The following HS6ST3 variants were observed in gnomAD, a reference collection of about 807,000 sequenced individuals.
HS6ST3 encodes the protein heparan sulfate 6-O-sulfotransferase 3, also known as heparan-sulfate 6-O-sulfotransferase 3.
Under a neutral mutation model 36.7 loss-of-function variants are expected in HS6ST3, and 12 were observed. That is an observed-to-expected ratio of 0.33 (90% CI 0.21 to 0.53). HS6ST3 has a LOEUF of 0.53. HS6ST3 is among the 20% of genes least tolerant of loss of function. The pLI is 0.95. For synonymous variants in HS6ST3, 240 were observed against 257.5 expected (o/e 0.93, Z 0.65); for missense variants, 584 against 640.9 (o/e 0.91, Z 0.96).
intron 1 of HS6ST3, among the ~76,000 whole-genome samples, chr13:96,443,256 T>C (rs1594781488): frequency 2.0e-5 from 3 of 151,696 alleles, no homozygotes; most frequent in Admixed American, 6.6e-5. Flanking sequence ...CTAGGCCGGG[T>C]GCGGTGGCTC....
At position 96,504,554 on chromosome 13, in the gene HS6ST3, A is replaced by G. The variant is rs574418343; in HGVS notation, c.708-327936A>G. On this transcript the variant is annotated intron_variant, in intron 1 of 1. Coordinates refer to ENST00000376705, the MANE Select transcript of HS6ST3 (RefSeq NM_153456.4). ...AATAGGCAGGCACAAAAAGAAAATAATAAAAAATAAAATAAAAGTAAAAGA... is the reference window on the plus strand; with the variant it reads ...AATAGGCAGGCACAAAAAGAAAATAGTAAAAAATAAAATAAAAGTAAAAGA... Among the ~76,000 whole-genome samples the G allele has an allele frequency of 2.6e-5, 4 of 152,246 alleles. 1 individual carries two copies. In the South Asian group the frequency reaches 6.2e-4, roughly 24 times the overall value.
intron 1 of HS6ST3, among the ~76,000 whole-genome samples, chr13:96,350,538 G>A (rs1199466417): frequency 6.6e-6 from 1 of 152,234 alleles, no homozygotes; most frequent in Non-Finnish European, 1.5e-5. Context: ...TCTATAAAAT[G>A]TGGGGGTCTC....
At chr13:96,094,049 A>G (rs1385214349) in intron 1 of HS6ST3, among the ~76,000 whole-genome samples, 1 of 152,142 alleles carries the variant, frequency 6.6e-6, no homozygotes, top group Non-Finnish European at 1.5e-5. Context: ...TCACTCAGAG[A>G]TCAATGCCCT....
At chr13:96,772,676 TA>T (rs1877291974) in intron 1 of HS6ST3, among the ~76,000 whole-genome samples, 1 of 152,212 alleles carries the variant, frequency 6.6e-6, no homozygotes, top group African/African-American at 2.4e-5. Context: ...ACCGAAGTTA[TA>T]TAAGTACATC....
chr13:96,557,909 T>C (rs974122029), intron 1 of HS6ST3, among the ~76,000 whole-genome samples: 1 of 152,132 alleles, frequency 6.6e-6, no homozygotes, highest in Non-Finnish European at 1.5e-5. Context: ...AACCTCTCTG[T>C]CCCTCAATTT....
chr13:96,092,617 T>A (rs2053770279), intron 1 of HS6ST3, among the ~76,000 whole-genome samples: 2 of 152,196 alleles, frequency 1.3e-5, no homozygotes, highest in South Asian at 4.1e-4. Flanking sequence ...AACAATTTGG[T>A]ATGAGGAAAT....
Position 96,350,718 on chromosome 13 carries a change from G to A in HS6ST3, c.707+259149G>A, listed in dbSNP as rs956703616. On this transcript the variant is annotated intron_variant, in intron 1 of 1. Coordinates refer to ENST00000376705, the MANE Select transcript of HS6ST3 (RefSeq NM_153456.4). ...CTTTCCTCCACATGGATATAATAAC[G>A]AAATTGAAAATCCTTGGAGGGTGTT... 1.2e-4 allele frequency among the ~76,000 whole-genome samples: 18 copies of A among 152,254 alleles called. No homozygotes were observed. In the East Asian group the frequency reaches 3.1e-3, roughly 26 times the overall value.
At chr13:96,441,885 T>C (rs1489689514) in intron 1 of HS6ST3, among the ~76,000 whole-genome samples, 2 of 152,092 alleles carry the variant, frequency 1.3e-5, no homozygotes, top group Admixed American at 1.3e-4. Flanking sequence ...AATGTTCAAC[T>C]GGTAGGAATT....
Position 96,765,608 on chromosome 13 carries a change from CTCTCTCT to C in HS6ST3, c.708-66881_708-66875del, listed in dbSNP as rs1566448229. ...TCTCTTTCTCTCTCTCTCTCTCTCT[CTCTCTCT>C]CTCTCTCTCTCTCTGTTTCTGTCTC... On this transcript the variant is annotated intron_variant, in intron 1 of 1. Transcript: ENST00000376705. Among the ~76,000 whole-genome samples the C allele has an allele frequency of 2.6e-5, 4 of 151,840 alleles. No individual in the cohort carries two copies. In the East Asian group the frequency reaches 7.7e-4, roughly 29 times the overall value.
At chr13:96,647,171 T>C (rs1023489509) in intron 1 of HS6ST3, among the ~76,000 whole-genome samples, 1 of 152,004 alleles carries the variant, frequency 6.6e-6, no homozygotes, top group Admixed American at 6.6e-5. Flanking sequence ...GTATTAATAC[T>C]TTTCAAATGA....
chr13:96,323,532 C>T (rs534896774), intron 1 of HS6ST3, among the ~76,000 whole-genome samples: 2 of 152,308 alleles, frequency 1.3e-5, no homozygotes, highest in Admixed American at 6.5e-5. Flanking sequence ...CCTCATAGTT[C>T]ATGGCACTCC....
chr13:96,116,770 G>C (rs1176771411), intron 1 of HS6ST3, among the ~76,000 whole-genome samples: 1 of 152,202 alleles, frequency 6.6e-6, no homozygotes, highest in Non-Finnish European at 1.5e-5. Flanking sequence ...AGGAGGACTA[G>C]AGAGAGAGGT....
At chr13:96,303,469 T>G (rs991457454) in intron 1 of HS6ST3, among the ~76,000 whole-genome samples, 1 of 152,194 alleles carries the variant, frequency 6.6e-6, no homozygotes, top group Non-Finnish European at 1.5e-5. Flanking sequence ...CAACTGAAAG[T>G]GAAATGTTAC....
chr13:96,641,330 G>A (rs192601153), intron 1 of HS6ST3, among the ~76,000 whole-genome samples: 1 of 151,870 alleles, frequency 6.6e-6, no homozygotes, highest in East Asian at 1.9e-4. Flanking sequence ...CTGTATTGCT[G>A]TATAGAAATG....
chr13:96,355,353 A>G (rs141337787), intron 1 of HS6ST3, among the ~76,000 whole-genome samples: 2 of 144,012 alleles, frequency 1.4e-5, no homozygotes, highest in African/African-American at 5.2e-5. Flanking sequence ...GCATGAGTCT[A>G]TAGTTACACA....
intron 1 of HS6ST3, among the ~76,000 whole-genome samples, chr13:96,392,376 G>A (rs1397046284): frequency 1.3e-5 from 2 of 152,214 alleles, no homozygotes; most frequent in African/African-American, 2.4e-5. Flanking sequence ...TGAGTAGGGA[G>A]AGGATGAGGC....
intron 1 of HS6ST3, chr13:96,574,392 C>A: frequency 2.0e-6 from 1 of 496,890 alleles, no homozygotes; most frequent in Non-Finnish European, 3.7e-6. Flanking sequence ...GTCAAACTCA[C>A]CAGTTACTAA....
intron 1 of HS6ST3, among the ~76,000 whole-genome samples, chr13:96,699,547 A>C (rs1297439035): frequency 2.5e-4 from 38 of 152,362 alleles, no homozygotes; most frequent in South Asian, 6.2e-4. Context: ...CCACAATGAG[A>C]TACCATCTCA....
chr13:96,208,293 T>C (rs1434131786), intron 1 of HS6ST3, among the ~76,000 whole-genome samples: 1 of 152,182 alleles, frequency 6.6e-6, no homozygotes, highest in East Asian at 1.9e-4. Flanking sequence ...ACAAAGGATA[T>C]GTTATATGTA....
Sources: gnomAD v4.1 joint callset for allele counts (sites outside exome capture counted in the v4.1 genomes callset) on GRCh38, gnomAD v4.1.1 for gene constraint, MANE v1.5 for transcripts, NCBI Gene and HGNC (gene_info 2026-07-23, HGNC 2026-07-21) for gene names.